Variants in TAX1BP1 observed in about 807,000 individuals in gnomAD.
TAX1BP1 encodes Tax1 binding protein 1, also known as tax1-binding protein 1.
Under a neutral mutation model 97.7 loss-of-function variants are expected in TAX1BP1, and 62 were observed. The observed-to-expected ratio is 0.63, with a 90% CI of 0.52 to 0.78. The LOEUF (loss-of-function observed/expected upper bound fraction) is 0.78. Among genes scored for constraint, TAX1BP1 ranks in the 30% least tolerant of loss-of-function variants. The pLI is 0.00. For synonymous variants in TAX1BP1, 340 were observed against 304.2 expected, an observed-to-expected ratio of 1.12 and a Z score of -1.23; for missense variants, 867 against 916.1, an observed-to-expected ratio of 0.95 and a Z score of 0.69.
intron 3 of TAX1BP1, among the ~76,000 whole-genome samples, chr7:27,760,448 A>G (rs1231178304): frequency 6.7e-6 from 1 of 148,620 alleles, no homozygotes; most frequent in Non-Finnish European, 1.5e-5. Flanking sequence ...GCTGGAGTGC[A>G]GTGGCGCGAT....
At chr7:27,769,621 A>C in intron 4 of TAX1BP1, 55 bp from the exon 5 acceptor site, 4 of 1,388,962 alleles carry the variant, frequency 2.9e-6, no homozygotes, top group Non-Finnish European at 3.9e-6. Flanking sequence ...AATTTGTAAT[A>C]ACATATTTTA....
At chr7:27,775,815 A>G (rs1789011538) in intron 5 of TAX1BP1, among the ~76,000 whole-genome samples, 1 of 152,152 alleles carries the variant, frequency 6.6e-6, no homozygotes, top group Non-Finnish European at 1.5e-5. Flanking sequence ...AAAAACCAAC[A>G]TGGACTTCAG....
chr7:27,744,414 C>T (rs935989040), intron 1 of TAX1BP1, among the ~76,000 whole-genome samples: 7 of 152,186 alleles, frequency 4.6e-5, no homozygotes, highest in Non-Finnish European at 1.0e-4. Context: ...CGTGAGCCAC[C>T]GCACCCGGCC....
intron 8 of TAX1BP1, among the ~76,000 whole-genome samples, chr7:27,789,308 A>G (rs745457985): frequency 6.6e-6 from 1 of 151,658 alleles, no homozygotes; most frequent in Non-Finnish European, 1.5e-5. Flanking sequence ...CTTCTGTTTG[A>G]TTTATTTTTA....
chr7:27,777,510 A>G (rs1447235948), intron 5 of TAX1BP1, among the ~76,000 whole-genome samples: 3 of 152,118 alleles, frequency 2.0e-5, no homozygotes, highest in Admixed American at 2.0e-4. Context: ...TTTGAGTTCC[A>G]GGCACTGTTC....
At chr7:27,739,547 G>C (rs1050779015), upstream of TAX1BP1, 4 of 152,222 alleles carry the variant, frequency 2.6e-5, no homozygotes, top group African/African-American at 7.2e-5. Context: ...GATAACAAAA[G>C]CAGGTAACTC....
intron 15 of TAX1BP1, among the ~76,000 whole-genome samples, chr7:27,827,334 C>G (rs1028875653): frequency 6.6e-6 from 1 of 150,828 alleles, no homozygotes; most frequent in Non-Finnish European, 1.5e-5. Context: ...GCCTGGGTGA[C>G]AGAGTGATGA....
intron 13 of TAX1BP1, among the ~76,000 whole-genome samples, chr7:27,810,307 C>A (rs1790509330): frequency 6.6e-6 from 1 of 151,574 alleles, no homozygotes; most frequent in South Asian, 2.1e-4. Context: ...AGTAGCATCT[C>A]TGGGGTTTTC....
chr7:27,752,696 T>C (rs763343433), intron 2 of TAX1BP1, among the ~76,000 whole-genome samples: 2 of 152,206 alleles, frequency 1.3e-5, no homozygotes, highest in Admixed American at 6.5e-5. Flanking sequence ...GTTTTAATTA[T>C]AATGAAAATA....
In TAX1BP1 at chr7:27,826,971, T is replaced by C. The variant is rs1791197831; in HGVS notation, c.2086-767T>C. Among the ~76,000 whole-genome samples, 4 of 152,356 alleles carry C rather than the reference T, an allele frequency of 2.6e-5. No individual in the cohort carries two copies. In the South Asian group the frequency reaches 8.3e-4, roughly 32 times the overall value. On this transcript the variant is annotated intron_variant, in intron 15 of 16. Coordinates refer to ENST00000396319, the MANE Select transcript of TAX1BP1 (RefSeq NM_006024.7). ...TGATTTCTGTATATCATGCAATGGA[T>C]GTATCTTGTCAGAGAGACTGTCTTT...
At chr7:27,745,168 T>C (rs144639076) in intron 1 of TAX1BP1, among the ~76,000 whole-genome samples, 20 of 152,362 alleles carry the variant, frequency 1.3e-4, no homozygotes, top group Admixed American at 1.3e-3. Flanking sequence ...TGCTTGCTTC[T>C]ACTTTCCTTT....
intron 8 of TAX1BP1, among the ~76,000 whole-genome samples, 194 bp from the exon 9 acceptor site, chr7:27,791,812 C>T (rs2128317880): frequency 6.6e-6 from 1 of 152,216 alleles, no homozygotes; most frequent in Non-Finnish European, 1.5e-5. Flanking sequence ...AAACCAAGTA[C>T]ATAGGGTTGT....
intron 1 of TAX1BP1, among the ~76,000 whole-genome samples, chr7:27,741,371 G>C (rs115468552): frequency 6.6e-6 from 1 of 152,194 alleles, no homozygotes; most frequent in Non-Finnish European, 1.5e-5. Context: ...CTTTCGTTCT[G>C]TTCCTTTCAA....
At chr7:27,754,674 G>A (rs1279969325) in intron 2 of TAX1BP1, among the ~76,000 whole-genome samples, 3 of 152,030 alleles carry the variant, frequency 2.0e-5, no homozygotes, top group African/African-American at 4.8e-5. Flanking sequence ...CTGGGTTCAC[G>A]CCATTCTCCT....
At chr7:27,749,475 A>G (rs1453785081) in intron 2 of TAX1BP1, among the ~76,000 whole-genome samples, 3 of 152,194 alleles carry the variant, frequency 2.0e-5, no homozygotes, top group Non-Finnish European at 4.4e-5. Context: ...ATGGGCTTGA[A>G]ATTTTGATTG....
At chr7:27,828,239 AAAACTTTGCTATT>A (rs1583416040) in intron 16 of TAX1BP1, among the ~76,000 whole-genome samples, 1 of 152,216 alleles carries the variant, frequency 6.6e-6, no homozygotes, top group African/African-American at 2.4e-5. Context: ...CAGTGCCATA[AAAACTTTGCTATT>A]AAACCAAATG....
intron 2 of TAX1BP1, among the ~76,000 whole-genome samples, chr7:27,755,135 A>T (rs1418625114): frequency 6.6e-6 from 1 of 152,192 alleles, no homozygotes; most frequent in Non-Finnish European, 1.5e-5. Context: ...GCTACATTGT[A>T]TACAGAAGAA....
chr7:27,819,110 G>A lies in TAX1BP1; in HGVS notation c.2085+2072G>A, dbSNP rs181478775. Among the ~76,000 whole-genome samples the A allele has an allele frequency of 1.1e-4, 17 of 152,096 alleles. No individual in the cohort carries two copies. In the East Asian group the frequency reaches 2.7e-3, roughly 24 times the overall value. ...AAAACCAGTTTTTTCCCTCATCAAC[G>A]TTGTAATGAACCGATGAAAGAATGA... On this transcript the variant is annotated intron_variant, in intron 15 of 16. Coordinates refer to ENST00000396319, the MANE Select transcript of TAX1BP1 (RefSeq NM_006024.7).
intron 7 of TAX1BP1, 152 bp from the exon 8 acceptor site, chr7:27,787,266 A>G (rs779784366): frequency 7.4e-5 from 42 of 569,694 alleles, no homozygotes; most frequent in Non-Finnish European, 1.0e-4. Context: ...TTAACTAGTC[A>G]TTTGGCAGAA....
Sources: allele counts gnomAD v4.1 joint callset (sites outside exome capture counted in the v4.1 genomes callset), GRCh38; gene constraint gnomAD v4.1.1; transcripts MANE v1.5; gene names NCBI Gene and HGNC (gene_info 2026-07-23, HGNC 2026-07-21).